Variants in ROBO2 observed in about 807,000 individuals in gnomAD.
ROBO2 encodes roundabout homolog 2.
Under a neutral mutation model 160.8 loss-of-function variants are expected in ROBO2, and 53 were observed. The ratio of observed to expected loss-of-function variants is 0.33; its 90% CI spans 0.26 to 0.41. The LOEUF (loss-of-function observed/expected upper bound fraction) is 0.41, where lower values mean the gene tolerates loss of function less well. Among genes scored for constraint, ROBO2 ranks in the 10% least tolerant of loss-of-function variants. The pLI, the probability that ROBO2 is intolerant of heterozygous loss-of-function variation, is 1.00. For missense variants in ROBO2, 1,577 were observed against 1,722.4 expected (o/e 0.92, Z 1.49); for synonymous variants, 664 against 611.7 (o/e 1.09, Z -1.26).
chr3:77,481,144 G>A (rs963810885), exon 4 of ROBO2: 2 of 1,612,038 alleles, frequency 1.2e-6, no homozygotes, highest in African/African-American at 2.7e-5. Flanking sequence ...GAAAAGTGAT[G>A]CAGGGATGTA....
chr3:76,683,795 G>A (rs779316115), intron 2 of ROBO2, among the ~76,000 whole-genome samples: 9 of 151,954 alleles, frequency 5.9e-5, no homozygotes, highest in Non-Finnish European at 7.4e-5. Context: ...TTGACTAAAC[G>A]GAGAAGTTAT....
intron 2 of ROBO2, among the ~76,000 whole-genome samples, chr3:76,821,208 A>T (rs1177387508): frequency 1.3e-5 from 2 of 152,112 alleles, no homozygotes; most frequent in Middle Eastern, 6.8e-3. Flanking sequence ...TTGTTCTTGC[A>T]TGTGGGACAG....
intron 2 of ROBO2, among the ~76,000 whole-genome samples, chr3:77,302,006 A>T (rs762996733): frequency 5.3e-4 from 81 of 152,092 alleles, no homozygotes; most frequent in Non-Finnish European, 1.1e-3. Flanking sequence ...GGGCTCAAGC[A>T]ATCCTCCTGC....
rs66742168 is a variant in ROBO2, at chr3:76,261,168, A to ATGTGTG, written c.109+323596_109+323601dup. ...TCAAATTTTTCTTTTAAACTAAATTATGTGTGTGTGTGTGTGTGTGTGTGT... is the reference window on the plus strand; with the variant it reads ...TCAAATTTTTCTTTTAAACTAAATTATGTGTGTGTGTGTGTGTGTGTGTGTGTGTGT... On this transcript the variant is annotated intron_variant, in intron 2 of 26. Transcript: ENST00000487694. 1.6e-3 allele frequency among the ~76,000 whole-genome samples: 200 copies of ATGTGTG among 122,824 alleles called. 2 individuals carry two copies. Among genetic ancestry groups the ATGTGTG allele is most frequent in the African/African-American group, 4.0e-3 (149 of 36,800 alleles). The allele number at this position is 122,824 out of a possible 152,430, so 80.6% of individuals were successfully genotyped here.
At chr3:76,317,866 T>G (rs1286270657) in intron 2 of ROBO2, among the ~76,000 whole-genome samples, 1 of 152,038 alleles carries the variant, frequency 6.6e-6, no homozygotes. Context: ...ATATATAAGA[T>G]TTTGATAATG....
chr3:77,507,256 A>G (rs2088678444), intron 5 of ROBO2, among the ~76,000 whole-genome samples: 1 of 152,174 alleles, frequency 6.6e-6, no homozygotes, highest in Admixed American at 6.6e-5. Context: ...AAAAAAGAAG[A>G]AAGCCTTTTG....
intron 2 of ROBO2, among the ~76,000 whole-genome samples, chr3:76,443,808 A>G (rs1054425571): frequency 5.9e-5 from 9 of 152,136 alleles, no homozygotes; most frequent in Non-Finnish European, 1.0e-4. Context: ...AATTCTCCAG[A>G]TATTTCTTGT....
In ROBO2 at chr3:77,252,815, A is replaced by AAAAG. The variant is rs1371979536; in HGVS notation, c.388+154478_388+154479insGAAA. Among the ~76,000 whole-genome samples, 8 of 36,336 alleles carry AAAAG rather than the reference A, an allele frequency of 2.2e-4. 1 individual carries two copies. Among genetic ancestry groups the AAAAG allele is most frequent in the Non-Finnish European group, 5.4e-4 (6 of 11,148 alleles). 23.8% of individuals were successfully genotyped at this position (36,336 alleles called of 152,430 possible). On this transcript the variant is annotated intron_variant, in intron 2 of 25. Coordinates refer to ENST00000461745, the Ensembl canonical transcript of ROBO2. ...AGAGCAAGACTCCATCTCAAAAAAA[A>AAAAG]AAAAAAAAAAAAAAAAATATATATA...
At chr3:77,360,181 AGGGCCGGCG>A (rs1320137411) in intron 2 of ROBO2, among the ~76,000 whole-genome samples, 1 of 152,002 alleles carries the variant, frequency 6.6e-6, no homozygotes, top group Admixed American at 6.6e-5. Context: ...AAGCAGTGTC[AGGGCCGGCG>A]GGGAGTGCTT....
chr3:77,457,615 T>C (rs1022874172), intron 2 of ROBO2, among the ~76,000 whole-genome samples: 1 of 152,176 alleles, frequency 6.6e-6, no homozygotes, highest in African/African-American at 2.4e-5. Flanking sequence ...CACTTTCTTT[T>C]GCTACAAATC....
At chr3:76,119,907 TCCCTC>T (rs2070657623) in intron 2 of ROBO2, among the ~76,000 whole-genome samples, 5 of 76,468 alleles carry the variant, frequency 6.5e-5, no homozygotes, top group African/African-American at 3.3e-4. Context: ...TTCCCTTCCT[TCCCTC>T]CCTCCCTTCC....
At chr3:77,217,509 A>G (rs2085142209) in intron 2 of ROBO2, among the ~76,000 whole-genome samples, 1 of 152,334 alleles carries the variant, frequency 6.6e-6, no homozygotes, top group South Asian at 2.1e-4. Context: ...TTAGCCATGT[A>G]ACATTTGGCT....
intron 2 of ROBO2, among the ~76,000 whole-genome samples, chr3:76,268,626 A>C (rs1707240370): frequency 6.6e-6 from 1 of 152,004 alleles, no homozygotes; most frequent in African/African-American, 2.4e-5. Flanking sequence ...CACCGTTAAG[A>C]CCTCCTTTAA....
rs550808056 is a variant in ROBO2 at position 77,249,780 on chromosome 3, C to T, written c.388+151440C>T. Among the ~76,000 whole-genome samples the T allele has an allele frequency of 2.0e-5, 3 of 151,886 alleles. No individual in the cohort carries two copies. The South Asian group carries it at 6.2e-4, about 32-fold the overall frequency. On this transcript the variant is annotated intron_variant, in intron 2 of 25. Coordinates refer to ENST00000461745, the Ensembl canonical transcript of ROBO2. ...TTCTTTTAAAACAATTGTCTTACAC[C>T]AATCAAATTTGAATATAGCTACTAT...
At chr3:76,298,317 T>A (rs1012123337) in intron 2 of ROBO2, among the ~76,000 whole-genome samples, 15 of 152,008 alleles carry the variant, frequency 9.9e-5, no homozygotes, top group Middle Eastern at 3.2e-3. Context: ...TGGGGAACGA[T>A]GTGAGGTGTG....
chr3:77,251,936 G>T (rs74730313), intron 2 of ROBO2, among the ~76,000 whole-genome samples: 6 of 152,212 alleles, frequency 3.9e-5, no homozygotes, highest in Non-Finnish European at 7.4e-5. Flanking sequence ...GCACGAAAAT[G>T]GACTGACAGA....
intron 2 of ROBO2, among the ~76,000 whole-genome samples, chr3:77,122,511 G>A (rs2150279061): frequency 6.6e-6 from 1 of 152,240 alleles, no homozygotes; most frequent in Non-Finnish European, 1.5e-5. Context: ...TAGCTACTAT[G>A]TAAAATCTTC....
At chr3:77,553,894 TTATTC>T (rs1264031383) in intron 8 of ROBO2, among the ~76,000 whole-genome samples, 5 of 29,916 alleles carry the variant, frequency 1.7e-4, no homozygotes, top group African/African-American at 6.9e-4. Flanking sequence ...CTTTATCAAG[TTATTC>T]AAGTTATCCA....
At chr3:77,363,875 A>G (rs1271539174) in intron 2 of ROBO2, among the ~76,000 whole-genome samples, 2 of 151,986 alleles carry the variant, frequency 1.3e-5, no homozygotes, top group African/African-American at 2.4e-5. Flanking sequence ...TGAACTCACT[A>G]TGGGGGAGAA....
Sources: allele counts gnomAD v4.1 joint callset (sites outside exome capture counted in the v4.1 genomes callset), GRCh38; gene constraint gnomAD v4.1.1; transcripts MANE v1.5; gene names NCBI Gene and HGNC (gene_info 2026-07-23, HGNC 2026-07-21).